Variants in CENPH observed in about 807,000 individuals in gnomAD.
CENPH encodes CENP-H.
In CENPH, 40 loss-of-function variants were observed where a neutral mutation model predicts 42.9. The observed-to-expected ratio is 0.93, with a 90% CI of 0.72 to 1.21. The LOEUF is 1.21. CENPH is among the 50% of genes most tolerant of loss of function. CENPH has a pLI of 0.00. For missense variants in CENPH, 302 were observed against 292.9 expected, an observed-to-expected ratio of 1.03 and a Z score of -0.23; for synonymous variants, 88 against 96.5, an observed-to-expected ratio of 0.91 and a Z score of 0.52.
rs746283408 is a variant in CENPH, at chr5:69,195,728, A to C, written c.251A>C (p.Asp84Ala). The C allele has an allele frequency of 5.8e-6, 9 of 1,556,050 alleles. No homozygotes were observed. Among genetic ancestry groups the C allele is most frequent in the Non-Finnish European group, 7.9e-6 (9 of 1,140,592 alleles). The change falls in exon 4 of 9, where the codon GAC becomes GCC. Residue 84 changes from aspartate (D) to alanine (A), a missense_variant. By Grantham distance (126) the Asp-to-Ala change is moderately radical. Coordinates refer to ENST00000283006, the MANE Select transcript of CENPH (RefSeq NM_022909.4). ...QEKQIEAKIEDLENEIEEVKV... is the reference protein window; with the variant it reads ...QEKQIEAKIEALENEIEEVKV... Reference sequence around the variant, plus strand: ...TGTTTCTTTGATAGTAAAATTGAAGACCTGGAAAATGAAATTGAAGAGGTA... The same window carrying C: ...TGTTTCTTTGATAGTAAAATTGAAGCCCTGGAAAATGAAATTGAAGAGGTA...
rs1461038523 is a variant in CENPH, at chr5:69,189,772, G to C, written c.134+4G>C. On this transcript the variant is annotated splice_donor_region_variant and intron_variant, in intron 1 of 8. Coordinates refer to ENST00000283006, the MANE Select transcript of CENPH (RefSeq NM_022909.4). Reference sequence around the variant, plus strand: ...ACCGCATGACCCTGCTCCTCAGGTTGTTCCCTTTGGCCTCCTCAGCCGGGG... The same window carrying C: ...ACCGCATGACCCTGCTCCTCAGGTTCTTCCCTTTGGCCTCCTCAGCCGGGG... The C allele has an allele frequency of 4.1e-6, 6 of 1,478,462 alleles. No individual in the cohort carries two copies. The highest frequency in any genetic ancestry group is 5.4e-6 in the Non-Finnish European group (6 of 1,118,006). 91.6% of individuals were successfully genotyped at this position (1,478,462 alleles called of 1,614,324 possible).
intron 7 of CENPH, among the ~76,000 whole-genome samples, chr5:69,204,051 T>TATAGAA (rs1244073988): frequency 3.2e-5 from 2 of 61,918 alleles, no homozygotes; most frequent in African/African-American, 1.3e-4. Flanking sequence ...TATTTATATA[T>TATAGAA]TATATATATA....
intron 7 of CENPH, among the ~76,000 whole-genome samples, chr5:69,204,692 G>C (rs747256168): frequency 2.3e-5 from 3 of 128,986 alleles, no homozygotes; most frequent in Admixed American, 9.7e-5. Flanking sequence ...TGCAACTTCT[G>C]CTTCCCGGGT....
intron 5 of CENPH, among the ~76,000 whole-genome samples, chr5:69,199,919 C>T (rs2112088401): frequency 6.6e-6 from 1 of 152,064 alleles, no homozygotes; most frequent in East Asian, 1.9e-4. Flanking sequence ...TCAAGACCAG[C>T]CTGGCCAACA....
At chr5:69,192,111 A>G (rs1747882567) in intron 2 of CENPH, among the ~76,000 whole-genome samples, 1 of 152,128 alleles carries the variant, frequency 6.6e-6, no homozygotes, top group Non-Finnish European at 1.5e-5. Flanking sequence ...CTCAAATAAG[A>G]TTTTGTGAGT....
intron 7 of CENPH, chr5:69,207,834 T>A (rs890908227): frequency 6.5e-6 from 1 of 153,906 alleles, no homozygotes; most frequent in African/African-American, 2.4e-5. Flanking sequence ...AATAAATGTT[T>A]ATATGTTTCA....
intron 2 of CENPH, among the ~76,000 whole-genome samples, chr5:69,192,741 AAC>A (rs1218339426): frequency 6.6e-6 from 1 of 152,194 alleles, no homozygotes; most frequent in Non-Finnish European, 1.5e-5. Context: ...TCCACTGGGC[AAC>A]AGAGTGAGAC....
chr5:69,199,485 G>A (rs548824573), intron 5 of CENPH, among the ~76,000 whole-genome samples: 2 of 152,158 alleles, frequency 1.3e-5, no homozygotes, highest in Non-Finnish European at 2.9e-5. Context: ...CAAATTAAGG[G>A]TTTATATAGC....
intron 4 of CENPH, among the ~76,000 whole-genome samples, 182 bp downstream of exon 4, chr5:69,195,973 C>T (rs1747957580): frequency 6.6e-6 from 1 of 152,162 alleles, no homozygotes; most frequent in Admixed American, 6.6e-5. Context: ...CAAGGTCTCA[C>T]TCTTGCCCAC....
chr5:69,205,513 C>T (rs547149337), intron 7 of CENPH, among the ~76,000 whole-genome samples: 1 of 152,218 alleles, frequency 6.6e-6, no homozygotes, highest in African/African-American at 2.4e-5. Flanking sequence ...AGGCGTAAGC[C>T]ACTGTGACCG....
Position 69,209,694 on chromosome 5 carries a change from T to C in CENPH, c.652-13T>C. 2.8e-6 allele frequency: 4 copies of C among 1,440,256 alleles called. No individual in the cohort carries two copies. The highest frequency in any genetic ancestry group is 3.8e-6 in the Non-Finnish European group (4 of 1,044,794). The allele number at this position is 1,440,256 out of a possible 1,614,324, so 89.2% of individuals were successfully genotyped here. A position where few individuals can be genotyped will look rare whatever the true frequency, so the allele number is the denominator to read the frequency against. Reference sequence around the variant, plus strand: ...AGTACTTGTAACTTTAAAACAATTTTTTTTCTTTACAGAACCTTATTTTGG... The same window carrying C: ...AGTACTTGTAACTTTAAAACAATTTCTTTTCTTTACAGAACCTTATTTTGG... On this transcript the variant is annotated splice_polypyrimidine_tract_variant and intron_variant, in intron 8 of 8. Coordinates refer to ENST00000283006, the MANE Select transcript of CENPH (RefSeq NM_022909.4).
chr5:69,200,752 T>TTTTTTC, intron 5 of CENPH, among the ~76,000 whole-genome samples: 1 of 117,434 alleles, frequency 8.5e-6, no homozygotes, highest in Non-Finnish European at 1.7e-5. Context: ...TTTTTTTTTT[T>TTTTTTC]TGAGACGGAA....
intron 7 of CENPH, among the ~76,000 whole-genome samples, chr5:69,204,201 TAC>T (rs1394262530): frequency 6.7e-6 from 1 of 148,440 alleles, no homozygotes; most frequent in Non-Finnish European, 1.5e-5. Context: ...TCAAAGGCAA[TAC>T]ACACTGTAGA....
chr5:69,193,957 C>T (rs564981817), intron 2 of CENPH, among the ~76,000 whole-genome samples: 7 of 152,100 alleles, frequency 4.6e-5, no homozygotes, highest in South Asian at 2.1e-4. Context: ...CCTGGCCACA[C>T]GTGGCTTTTT....
intron 2 of CENPH, among the ~76,000 whole-genome samples, chr5:69,193,171 ATGTG>A (rs1021198826): frequency 6.7e-6 from 1 of 149,842 alleles, no homozygotes; most frequent in African/African-American, 2.5e-5. Context: ...ATGTATATAT[ATGTG>A]TGTGTATGTG....
At chr5:69,198,416 A>C (rs1334623312) in intron 5 of CENPH, among the ~76,000 whole-genome samples, 1 of 151,722 alleles carries the variant, frequency 6.6e-6, no homozygotes, top group Non-Finnish European at 1.5e-5. Flanking sequence ...CAGCCTCCTG[A>C]ATAGCTGGGA....
At chr5:69,195,100 A>T (rs1403898396) in intron 3 of CENPH, among the ~76,000 whole-genome samples, 1 of 152,038 alleles carries the variant, frequency 6.6e-6, no homozygotes, top group African/African-American at 2.4e-5. Flanking sequence ...GTGATGGCAC[A>T]TGCCTGTAAT....
chr5:69,202,866 G>A (rs1383577059), intron 6 of CENPH, 53 bp from the exon 7 acceptor site: 22 of 1,096,424 alleles, frequency 2.0e-5, no homozygotes, highest in Non-Finnish European at 2.7e-5. Flanking sequence ...AAGTATTACA[G>A]GTTTGTCCTT....
intron 5 of CENPH, among the ~76,000 whole-genome samples, chr5:69,200,112 CAAAA>C (rs373894870): frequency 3.9e-5 from 2 of 51,406 alleles, no homozygotes; most frequent in Non-Finnish European, 8.4e-5. Context: ...GACTCTGTCT[CAAAA>C]AAAAAAAAAA....
Sources: allele counts gnomAD v4.1 joint callset (sites outside exome capture counted in the v4.1 genomes callset), GRCh38; gene constraint gnomAD v4.1.1; transcripts MANE v1.5; gene names NCBI Gene and HGNC (gene_info 2026-07-23, HGNC 2026-07-21).